The following SMAP1 variants were observed in gnomAD, a reference collection of about 807,000 sequenced individuals.
The protein encoded by SMAP1 is stromal membrane-associated protein 1.
Under a neutral mutation model 58.5 loss-of-function variants are expected in SMAP1, and 24 were observed. The observed-to-expected ratio is 0.41, with a 90% CI of 0.30 to 0.58. The LOEUF is 0.58. Ranked by LOEUF, SMAP1 falls within the 20% of genes least tolerant of loss-of-function variation. The probability of loss-of-function intolerance (pLI) is 0.29; values close to 1 mark genes in which losing one functional copy is unlikely to be tolerated. For synonymous variants in SMAP1, 216 were observed against 196.6 expected (o/e 1.10, Z -0.82); for missense variants, 563 against 566.3 (o/e 0.99, Z 0.06).
chr6:70,682,298 C>T (rs1161596307), intron 1 of SMAP1, among the ~76,000 whole-genome samples: 1 of 149,848 alleles, frequency 6.7e-6, no homozygotes, highest in Non-Finnish European at 1.5e-5. Context: ...AAGCGATTCT[C>T]CTGCCTTGGC....
chr6:70,754,868 A>G, intron 2 of SMAP1, 112 bp from the exon 3 acceptor site: 3 of 543,024 alleles, frequency 5.5e-6, no homozygotes, highest in Non-Finnish European at 9.9e-6. Flanking sequence ...GAGAATATAT[A>G]TTGGAAATAA....
At chr6:70,824,294 C>A (rs1345280929) in intron 6 of SMAP1, among the ~76,000 whole-genome samples, 1 of 152,026 alleles carries the variant, frequency 6.6e-6, no homozygotes, top group East Asian at 1.9e-4. Flanking sequence ...TTTCAGCAGT[C>A]ATAAGGTCAG....
chr6:70,798,860 G>A, intron 6 of SMAP1, 123 bp downstream of exon 6: 3 of 772,056 alleles, frequency 3.9e-6, no homozygotes, highest in Non-Finnish European at 4.0e-6. Context: ...AGCAATTGTT[G>A]AGTGAATGCT....
intron 3 of SMAP1, among the ~76,000 whole-genome samples, chr6:70,764,750 A>C (rs117599328): frequency 0.023 from 3,577 of 152,340 alleles, 52 homozygotes; most frequent in Non-Finnish European, 0.037. Flanking sequence ...ATGCCTGTCA[A>C]TACAACATCT....
chr6:70,774,632 A>C lies in SMAP1; in HGVS notation c.414+1207A>C, dbSNP rs557528954. Among the ~76,000 whole-genome samples, 15 of 152,238 alleles carry C rather than the reference A, an allele frequency of 9.9e-5. No homozygotes were observed. In the South Asian group the frequency reaches 2.9e-3, roughly 29 times the overall value. On this transcript the variant is annotated intron_variant, in intron 4 of 10. Transcript: ENST00000370455. ...GGTAGCTCATGCCTGTAATCCCAGC[A>C]CTTTGGGAGGCCAAGGTGGGAGGAT...
intron 6 of SMAP1, among the ~76,000 whole-genome samples, chr6:70,802,171 T>A (rs533677100): frequency 1.3e-5 from 2 of 152,364 alleles, no homozygotes; most frequent in South Asian, 4.1e-4. Flanking sequence ...TCCATTTGTT[T>A]GTGTCCTCTT....
At chr6:70,779,658 T>G (rs1767681769) in intron 4 of SMAP1, among the ~76,000 whole-genome samples, 2 of 152,142 alleles carry the variant, frequency 1.3e-5, no homozygotes, top group Non-Finnish European at 2.9e-5. Context: ...CATTTCGAGT[T>G]TCCCTGCCTC....
chr6:70,684,702 C>A (rs1766861159), intron 1 of SMAP1, among the ~76,000 whole-genome samples: 2 of 143,394 alleles, frequency 1.4e-5, no homozygotes, highest in African/African-American at 5.5e-5. Flanking sequence ...ATATTTTGAA[C>A]TTGTTTACAT....
At chr6:70,741,448 T>G (rs552505414) in intron 2 of SMAP1, among the ~76,000 whole-genome samples, 64 of 152,364 alleles carry the variant, frequency 4.2e-4, no homozygotes, top group African/African-American at 1.4e-3. Context: ...TGACTCTGTG[T>G]CTCACATGCA....
chr6:70,806,909 T>C (rs1040020724), intron 6 of SMAP1, among the ~76,000 whole-genome samples: 2 of 152,230 alleles, frequency 1.3e-5, no homozygotes, highest in Non-Finnish European at 2.9e-5. Flanking sequence ...TGCTGGCAGC[T>C]CAGGAATTTG....
intron 6 of SMAP1, among the ~76,000 whole-genome samples, chr6:70,807,708 G>C (rs141171547): frequency 1.3e-5 from 2 of 152,234 alleles, no homozygotes; most frequent in African/African-American, 4.8e-5. Flanking sequence ...TCTTTGCTGG[G>C]AAAAGAAGTT....
intron 3 of SMAP1, among the ~76,000 whole-genome samples, chr6:70,762,793 T>C (rs1383226011): frequency 6.6e-6 from 1 of 152,154 alleles, no homozygotes; most frequent in African/African-American, 2.4e-5. Flanking sequence ...TTAAAAAATG[T>C]ATACTTCCTA....
intron 1 of SMAP1, among the ~76,000 whole-genome samples, chr6:70,719,827 C>T (rs1768440321): frequency 6.6e-6 from 1 of 152,060 alleles, no homozygotes; most frequent in Non-Finnish European, 1.5e-5. Context: ...AAGACTAGCC[C>T]CCATGGTTCA....
At chr6:70,807,674 C>T (rs1371323947) in intron 6 of SMAP1, among the ~76,000 whole-genome samples, 1 of 152,148 alleles carries the variant, frequency 6.6e-6, no homozygotes, top group African/African-American at 2.4e-5. Context: ...CATATCAAAG[C>T]ATGGAACATG....
At chr6:70,790,617 A>G (rs1026634122) in intron 4 of SMAP1, among the ~76,000 whole-genome samples, 3 of 152,106 alleles carry the variant, frequency 2.0e-5, no homozygotes, top group African/African-American at 7.2e-5. Flanking sequence ...AACAGAGCCA[A>G]CAGTGAGTAA....
chr6:70,838,468 T>TA (rs1456754081), intron 7 of SMAP1, among the ~76,000 whole-genome samples: 1 of 152,178 alleles, frequency 6.6e-6, no homozygotes, highest in African/African-American at 2.4e-5. Flanking sequence ...TTATATGTGG[T>TA]AAATACTATA....
intron 6 of SMAP1, among the ~76,000 whole-genome samples, chr6:70,831,026 G>T (rs537189956): frequency 1.3e-5 from 2 of 152,296 alleles, no homozygotes; most frequent in African/African-American, 2.4e-5. Context: ...TATTTCATGA[G>T]ATTTGATTTT....
intron 2 of SMAP1, among the ~76,000 whole-genome samples, chr6:70,739,586 C>G (rs1029630754): frequency 6.6e-6 from 1 of 152,020 alleles, no homozygotes. Context: ...TATGCTTCTT[C>G]AGTATGTAGT....
chr6:70,760,015 A>T (rs992113180), intron 3 of SMAP1: 4 of 251,978 alleles, frequency 1.6e-5, no homozygotes, highest in Non-Finnish European at 3.3e-5. Context: ...ATGCTCAAAG[A>T]GCTATTAAGA....
Sources: allele counts gnomAD v4.1 joint callset (sites outside exome capture counted in the v4.1 genomes callset), GRCh38; gene constraint gnomAD v4.1.1; transcripts MANE v1.5; gene names NCBI Gene and HGNC (gene_info 2026-07-23, HGNC 2026-07-21).